The following LNX1 variants were observed in gnomAD, a reference collection of about 807,000 sequenced individuals.
The protein encoded by LNX1 is E3 ubiquitin-protein ligase LNX.
Under a neutral mutation model 68.4 loss-of-function variants are expected in LNX1, and 54 were observed. That is an observed-to-expected ratio of 0.79 (90% CI 0.63 to 0.99). The LOEUF is 0.99. LNX1 is among the 50% of genes least tolerant of loss of function. The probability of loss-of-function intolerance (pLI) is 0.00; values close to 1 mark genes in which losing one functional copy is unlikely to be tolerated. For synonymous variants in LNX1, 336 were observed against 350.0 expected (o/e 0.96, Z 0.45); for missense variants, 906 against 926.4 (o/e 0.98, Z 0.29).
chr4:53,565,930 A>C (rs1264406524), intron 2 of LNX1, among the ~76,000 whole-genome samples: 1 of 152,218 alleles, frequency 6.6e-6, no homozygotes, highest in African/African-American at 2.4e-5. Context: ...AAATGAAGCG[A>C]GAAGGAAAGT....
Position 53,574,101 on chromosome 4 carries a change from A to G in LNX1, c.-86-13T>C, listed in dbSNP as rs1248245903. 52 of 1,472,348 alleles carry G rather than the reference A, an allele frequency of 3.5e-5. No homozygotes were observed. Among genetic ancestry groups the G allele is most frequent in the Non-Finnish European group, 4.5e-5 (50 of 1,111,858 alleles). 91.2% of individuals were successfully genotyped at this position (1,472,348 alleles called of 1,614,324 possible). On this transcript the variant is annotated splice_polypyrimidine_tract_variant and intron_variant, in intron 1 of 10. Coordinates refer to ENST00000263925, the MANE Select transcript of LNX1 (RefSeq NM_001126328.3). ...GACATCCACACACCTAAAAAAGAAC[A>G]AGAAGGCTCACCTTTGCTTCCCAGC...
At chr4:53,484,393 T>C (rs1724146908) in intron 6 of LNX1, among the ~76,000 whole-genome samples, 1 of 151,964 alleles carries the variant, frequency 6.6e-6, no homozygotes, top group Non-Finnish European at 1.5e-5. Flanking sequence ...TGAAACCCTT[T>C]CTCTACTAAA....
chr4:53,534,887 C>CT (rs1246975456), intron 2 of LNX1, among the ~76,000 whole-genome samples: 1 of 150,864 alleles, frequency 6.6e-6, no homozygotes, highest in Non-Finnish European at 1.5e-5. Flanking sequence ...GTTGACCTGT[C>CT]TTAACAGCCT....
chr4:53,529,007 G>A (rs1168355180), intron 2 of LNX1, among the ~76,000 whole-genome samples: 3 of 151,816 alleles, frequency 2.0e-5, no homozygotes, highest in Admixed American at 6.6e-5. Context: ...GCATATTGAT[G>A]TAGTTCCAAG....
intron 1 of LNX1, among the ~76,000 whole-genome samples, chr4:53,638,194 T>C (rs73151327): frequency 6.6e-5 from 10 of 152,350 alleles, no homozygotes; most frequent in African/African-American, 2.4e-4. Context: ...TTTGATTATT[T>C]CTCTGACTTG....
chr4:53,553,460 T>C (rs1400264382), intron 2 of LNX1, among the ~76,000 whole-genome samples: 1 of 152,164 alleles, frequency 6.6e-6, no homozygotes, highest in Non-Finnish European at 1.5e-5. Context: ...CACCCCTACT[T>C]CTGATATGGG....
rs1721474723 is a variant in LNX1, at chr4:53,459,846, C to A, written c.*1061G>T. On this transcript the variant is annotated 3_prime_UTR_variant, in exon 11 of 11. Coordinates refer to ENST00000263925, the MANE Select transcript of LNX1 (RefSeq NM_001126328.3). ...CATCACAAAAGGCAACAAAGGGCCC[C>A]TCTAAGGCTTGAGATTAAAACTAGT... The A allele has an allele frequency of 1.2e-5, 3 of 251,002 alleles. No homozygotes were observed. The highest frequency in any genetic ancestry group is 2.3e-5 in the Non-Finnish European group (3 of 129,562). 15.5% of individuals were successfully genotyped at this position (251,002 alleles called of 1,614,324 possible). A position where few individuals can be genotyped will look rare whatever the true frequency, so the allele number is the denominator to read the frequency against.
chr4:53,531,681 C>T (rs926556923), intron 2 of LNX1, among the ~76,000 whole-genome samples: 1 of 152,146 alleles, frequency 6.6e-6, no homozygotes, highest in African/African-American at 2.4e-5. Context: ...AAACTGTGAA[C>T]AGGATTAAAC....
chr4:53,521,742 A>G (rs1190115885), intron 2 of LNX1, among the ~76,000 whole-genome samples: 1 of 152,120 alleles, frequency 6.6e-6, no homozygotes, highest in Non-Finnish European at 1.5e-5. Context: ...AAATGCTATT[A>G]TATTAAAATA....
chr4:53,576,276 C>T, intron 1 of LNX1: 2 of 1,612,062 alleles, frequency 1.2e-6, no homozygotes, highest in South Asian at 1.1e-5. Context: ...GGTTAGCATA[C>T]CGCTTCGAGG....
chr4:53,624,014 T>C (rs543309248), intron 1 of LNX1, among the ~76,000 whole-genome samples: 2 of 152,304 alleles, frequency 1.3e-5, no homozygotes, highest in East Asian at 3.9e-4. Context: ...TGGGTTTTCA[T>C]GTAACCCAAG....
At chr4:53,596,819 CTA>C (rs1489911110) in intron 2 of LNX1, among the ~76,000 whole-genome samples, 1 of 152,178 alleles carries the variant, frequency 6.6e-6, no homozygotes, top group African/African-American at 2.4e-5. Flanking sequence ...CCCTCTACTT[CTA>C]TTGAGTCACC....
chr4:53,500,880 T>C (rs1160848240), intron 4 of LNX1, among the ~76,000 whole-genome samples: 3 of 152,182 alleles, frequency 2.0e-5, no homozygotes, highest in African/African-American at 7.2e-5. Flanking sequence ...CAAAGAAAGA[T>C]TTGGAAATAA....
intron 6 of LNX1, among the ~76,000 whole-genome samples, chr4:53,488,169 T>C (rs1279853439): frequency 6.6e-6 from 1 of 152,230 alleles, no homozygotes; most frequent in African/African-American, 2.4e-5. Flanking sequence ...CATGCTTCAG[T>C]ACCCCCAATG....
intron 1 of LNX1, among the ~76,000 whole-genome samples, chr4:53,628,732 C>T (rs1246254440): frequency 1.3e-5 from 2 of 151,844 alleles, no homozygotes; most frequent in Non-Finnish European, 2.9e-5. Context: ...ACCTAAGTGC[C>T]CATTGACCAA....
chr4:53,534,704 T>C (rs373017767), intron 2 of LNX1, among the ~76,000 whole-genome samples: 1 of 152,200 alleles, frequency 6.6e-6, no homozygotes, highest in African/African-American at 2.4e-5. Context: ...AACCTATTTG[T>C]CTTTGGGGGA....
chr4:53,639,304 G>A (rs1577822402), intron 1 of LNX1, among the ~76,000 whole-genome samples: 1 of 152,224 alleles, frequency 6.6e-6, no homozygotes, highest in East Asian at 1.9e-4. Flanking sequence ...ACATAAAGAT[G>A]GCAACAATAG....
intron 9 of LNX1, among the ~76,000 whole-genome samples, chr4:53,464,215 C>A (rs1394260588): frequency 6.6e-6 from 1 of 151,956 alleles, no homozygotes; most frequent in African/African-American, 2.4e-5. Flanking sequence ...CTTCCTGGCC[C>A]CAATTTATAT....
At chr4:53,584,431 G>T (rs1433661104) in intron 1 of LNX1, among the ~76,000 whole-genome samples, 1 of 152,138 alleles carries the variant, frequency 6.6e-6, no homozygotes, top group Non-Finnish European at 1.5e-5. Flanking sequence ...ATAATACATG[G>T]CAATGTGTAT....
Sources: allele counts gnomAD v4.1 joint callset (sites outside exome capture counted in the v4.1 genomes callset), GRCh38; gene constraint gnomAD v4.1.1; transcripts MANE v1.5; gene names NCBI Gene and HGNC (gene_info 2026-07-23, HGNC 2026-07-21).